KIAA2012: variants seen among roughly 807,000 people sequenced by gnomAD.
The protein encoded by KIAA2012 is uncharacterized protein KIAA2012.
Under a neutral mutation model 150.6 loss-of-function variants are expected in KIAA2012, and 125 were observed. That is an observed-to-expected ratio of 0.83 (90% CI 0.72 to 0.96). The LOEUF (loss-of-function observed/expected upper bound fraction) is 0.96, where lower values mean the gene tolerates loss of function less well. Among genes scored for constraint, KIAA2012 ranks in the 40% least tolerant of loss-of-function variants. The probability of loss-of-function intolerance (pLI) is 0.00; values close to 1 mark genes in which losing one functional copy is unlikely to be tolerated. For synonymous variants in KIAA2012, 462 were observed against 504.7 expected (o/e 0.92, Z 1.13); for missense variants, 1,219 against 1,354.9 (o/e 0.90, Z 1.57).
At chr2:202,152,126 C>T (rs1201124717) in intron 13 of KIAA2012, among the ~76,000 whole-genome samples, 2 of 152,266 alleles carry the variant, frequency 1.3e-5, no homozygotes, top group Non-Finnish European at 2.9e-5. Flanking sequence ...ATCACTACCT[C>T]TTCTTTATAT....
At chr2:202,165,070 ATAT>A (rs1691729291) in intron 14 of KIAA2012, among the ~76,000 whole-genome samples, 1 of 152,044 alleles carries the variant, frequency 6.6e-6, no homozygotes, top group African/African-American at 2.4e-5. Flanking sequence ...CTACAGGTGC[ATAT>A]TATTATGCCT....
chr2:202,093,395 GC>G (rs1266063748), intron 4 of KIAA2012, among the ~76,000 whole-genome samples: 31 of 152,204 alleles, frequency 2.0e-4, no homozygotes, highest in Admixed American at 1.8e-3. Flanking sequence ...CAATAAAGTG[GC>G]CATTAGCCAC....
At position 202,143,075 on chromosome 2, in the gene KIAA2012, ATTTT is replaced by A. The variant is rs59488285; in HGVS notation, c.1908+4585_1908+4588del. ...CCTCCAATTGACAACCACTGGTTTA[ATTTT>A]TTTTTTTTTTTTTTTTTCTTTTTGA... On this transcript the variant is annotated intron_variant, in intron 13 of 23. Transcript: ENST00000498697. Among the ~76,000 whole-genome samples, 195 of 124,978 alleles carry A rather than the reference ATTTT, an allele frequency of 1.6e-3. 1 individual carries two copies. The highest frequency in any genetic ancestry group is 3.9e-3 in the Middle Eastern group (1 of 258). The allele number at this position is 124,978 out of a possible 152,430, so 82.0% of individuals were successfully genotyped here. A position where few individuals can be genotyped will look rare whatever the true frequency, so the allele number is the denominator to read the frequency against.
intron 11 of KIAA2012, among the ~76,000 whole-genome samples, chr2:202,121,634 T>C (rs1256964125): frequency 6.6e-6 from 1 of 152,134 alleles, no homozygotes; most frequent in Admixed American, 6.5e-5. Flanking sequence ...TCACATATCA[T>C]AGGTAAGGAG....
chr2:202,084,488 T>C (rs1689518535), intron 2 of KIAA2012, among the ~76,000 whole-genome samples: 1 of 152,152 alleles, frequency 6.6e-6, no homozygotes, highest in African/African-American at 2.4e-5. Flanking sequence ...TGGTGGAATG[T>C]GGATAATAGG....
Position 202,188,273 on chromosome 2 carries a change from G to C in KIAA2012, c.2491+7G>C. ...CAAGCAGAGGCTGCCATTGGTAAGA[G>C]AGTGTGCCTGCAAGTAACAACCTGG... is the stretch of plus-strand genomic sequence containing the variant. On this transcript the variant is annotated splice_region_variant and intron_variant, in intron 18 of 23. Coordinates refer to ENST00000498697, the MANE Select transcript of KIAA2012 (RefSeq NM_001277372.4). The C allele has an allele frequency of 5.8e-6, 9 of 1,546,370 alleles. No homozygotes were observed. Among genetic ancestry groups the C allele is most frequent in the Non-Finnish European group, 7.9e-6 (9 of 1,144,920 alleles).
intron 15 of KIAA2012, among the ~76,000 whole-genome samples, chr2:202,170,104 C>A (rs993596239): frequency 6.6e-6 from 1 of 152,210 alleles, no homozygotes; most frequent in Non-Finnish European, 1.5e-5. Context: ...ACATAAATCT[C>A]TTCTACCACC....
intron 22 of KIAA2012, among the ~76,000 whole-genome samples, chr2:202,202,110 C>T (rs567953446): frequency 6.6e-6 from 1 of 152,196 alleles, no homozygotes; most frequent in Non-Finnish European, 1.5e-5. Context: ...CCTCTACCTC[C>T]CAAAGTGCTG....
In KIAA2012 at chr2:202,074,914, A is replaced by G; in HGVS notation, c.108A>G (p.Pro36=). 6.5e-7 allele frequency: 1 copy of G among 1,549,926 alleles called. No homozygotes were observed. The highest frequency in any genetic ancestry group is 8.7e-7 in the Non-Finnish European group (1 of 1,146,782). Residue 36 remains proline, a synonymous_variant, in exon 2 of 24, where the codon CCA becomes CCG. Coordinates refer to ENST00000498697, the MANE Select transcript of KIAA2012 (RefSeq NM_001277372.4). The part of the protein sequence containing the change: ...EPEDYLNWRS[P]EDYVPVSKPQ... Reference sequence around the variant, plus strand: ...AGGATTACTTGAACTGGAGGTCCCCAGAAGACTATGTTCCTGTCAGCAAAC... The same window carrying G: ...AGGATTACTTGAACTGGAGGTCCCCGGAAGACTATGTTCCTGTCAGCAAAC...
In KIAA2012 at chr2:202,111,169, T is replaced by C. The variant is rs1690338971; in HGVS notation, c.1651+1380T>C. Among the ~76,000 whole-genome samples the C allele has an allele frequency of 1.3e-5, 2 of 152,042 alleles. 1 individual carries two copies. The highest frequency in any genetic ancestry group is 4.1e-4 in the South Asian group (2 of 4,820). On this transcript the variant is annotated intron_variant, in intron 10 of 23. Coordinates refer to ENST00000498697, the MANE Select transcript of KIAA2012 (RefSeq NM_001277372.4). The stretch of plus-strand genomic sequence containing the variant: ...AGCAAATGGATACTCAGGCCTACTT[T>C]AGACATCCTTATAAAGGGAGAATCT...
intron 18 of KIAA2012, 62 bp from the exon 19 acceptor site, chr2:202,190,111 GA>G (rs1469729057): frequency 6.0e-6 from 8 of 1,343,082 alleles, no homozygotes; most frequent in Non-Finnish European, 8.0e-6. Flanking sequence ...TACTAAAAAG[GA>G]TGTATAGTGA....
rs538179962 is a variant in KIAA2012, at chr2:202,098,347, GAA to G, written c.828+772_828+773del. ...TGCACTCCAGCCTGGGCAACAGAGT[GAA>G]ACCCTGCCTCTAAAAAATAAATAAA... On this transcript the variant is annotated intron_variant, in intron 5 of 23. Coordinates refer to ENST00000498697, the MANE Select transcript of KIAA2012 (RefSeq NM_001277372.4). Among the ~76,000 whole-genome samples, 11 of 152,284 alleles carry G rather than the reference GAA, an allele frequency of 7.2e-5. No homozygotes were observed. The East Asian group carries it at 2.1e-3, about 29-fold the overall frequency.
intron 22 of KIAA2012, among the ~76,000 whole-genome samples, chr2:202,200,456 A>T (rs1436843484): frequency 2.6e-5 from 4 of 152,038 alleles, no homozygotes; most frequent in African/African-American, 7.2e-5. Context: ...GTTTCAGAGG[A>T]TCCTTATGAA....
intron 15 of KIAA2012, among the ~76,000 whole-genome samples, chr2:202,183,304 C>T (rs923241139): frequency 2.6e-5 from 4 of 151,794 alleles, no homozygotes; most frequent in African/African-American, 4.8e-5. Flanking sequence ...ACCTGTGGTA[C>T]TGGCCACTTG....
Position 202,113,452 on chromosome 2 carries a change from C to T in KIAA2012, c.1762+6C>T. 6.5e-7 allele frequency: 1 copy of T among 1,531,410 alleles called. No homozygotes were observed. The highest frequency in any genetic ancestry group is 8.8e-7 in the Non-Finnish European group (1 of 1,135,438). 94.9% of individuals were successfully genotyped at this position (1,531,410 alleles called of 1,614,324 possible). On this transcript the variant is annotated splice_donor_region_variant and intron_variant, in intron 11 of 23. Coordinates refer to ENST00000498697, the MANE Select transcript of KIAA2012 (RefSeq NM_001277372.4). Reference sequence around the variant, plus strand: ...GGCGCTTCCATCGGGTAAAGGTAAGCTAACACATTCCAGGGCAGCCTTGTT... The same window carrying T: ...GGCGCTTCCATCGGGTAAAGGTAAGTTAACACATTCCAGGGCAGCCTTGTT...
intron 13 of KIAA2012, among the ~76,000 whole-genome samples, chr2:202,149,209 A>G (rs1691369720): frequency 6.6e-6 from 1 of 152,032 alleles, no homozygotes; most frequent in Admixed American, 6.6e-5. Flanking sequence ...AGAGCCAACC[A>G]AGGGGAGTCA....
intron 12 of KIAA2012, among the ~76,000 whole-genome samples, chr2:202,135,305 T>C (rs534707610): frequency 5.3e-5 from 8 of 152,364 alleles, no homozygotes; most frequent in East Asian, 1.9e-4. Flanking sequence ...ATAACCTGTA[T>C]ACACTGTAAA....
chr2:202,195,480 C>A (rs953450363), intron 21 of KIAA2012, among the ~76,000 whole-genome samples: 2 of 151,508 alleles, frequency 1.3e-5, no homozygotes, highest in African/African-American at 4.9e-5. Flanking sequence ...GAGATAGTGC[C>A]ACTGCACTCC....
chr2:202,117,592 T>A (rs1016656508), intron 11 of KIAA2012, among the ~76,000 whole-genome samples: 2 of 152,226 alleles, frequency 1.3e-5, no homozygotes, highest in Admixed American at 1.3e-4. Flanking sequence ...AGGATTTCTG[T>A]GATCACAGGC....
Sources: allele counts gnomAD v4.1 joint callset (sites outside exome capture counted in the v4.1 genomes callset), GRCh38; gene constraint gnomAD v4.1.1; transcripts MANE v1.5; gene names NCBI Gene and HGNC (gene_info 2026-07-23, HGNC 2026-07-21).